ENO4: variants seen among roughly 807,000 people sequenced by gnomAD.
ENO4 encodes the protein enolase 4, also known as 2-phospho-D-glycerate hydro-lyase.
Under a neutral mutation model 63.2 loss-of-function variants are expected in ENO4, and 53 were observed. The observed-to-expected ratio is 0.84, with a 90% CI of 0.67 to 1.05. ENO4 has a LOEUF of 1.05. Among genes scored for constraint, ENO4 ranks in the 50% least tolerant of loss-of-function variants. The probability of loss-of-function intolerance (pLI) is 0.00; values close to 1 mark genes in which losing one functional copy is unlikely to be tolerated. For missense variants in ENO4, 719 were observed against 772.0 expected, an observed-to-expected ratio of 0.93 and a Z score of 0.81; for synonymous variants, 266 against 283.8, an observed-to-expected ratio of 0.94 and a Z score of 0.63.
chr10:116,868,871 T>G (rs548328784), intron 8 of ENO4, among the ~76,000 whole-genome samples, 165 bp downstream of exon 8: 24 of 152,158 alleles, frequency 1.6e-4, no homozygotes, highest in Non-Finnish European at 3.2e-4. Flanking sequence ...AGTATCATGC[T>G]GCCCCTGCCT....
At chr10:116,886,361 C>G, downstream of ENO4, 1 of 1,554,170 alleles carries the variant, frequency 6.4e-7, no homozygotes, top group Non-Finnish European at 8.7e-7. Context: ...TTGGAGCTGT[C>G]TGTCTCTCTC....
At chr10:116,898,059 G>GGCTCATCCCTGTAATCCCA (rs1847584079) in intron 10 of ENO4, among the ~76,000 whole-genome samples, 1 of 152,084 alleles carries the variant, frequency 6.6e-6, no homozygotes, top group African/African-American at 2.4e-5. Flanking sequence ...TGAGCGTGGT[G>GGCTCATCCCTGTAATCCCA]GCTCATCCCT....
chr10:116,863,986 G>A (rs1846487973), intron 7 of ENO4, among the ~76,000 whole-genome samples: 1 of 152,144 alleles, frequency 6.6e-6, no homozygotes, highest in Non-Finnish European at 1.5e-5. Context: ...TCTGCCTCGG[G>A]TTCCTCATCT....
At chr10:116,862,704 A>G in intron 6 of ENO4, 95 bp from the exon 7 acceptor site, 2 of 840,616 alleles carry the variant, frequency 2.4e-6, no homozygotes, top group Non-Finnish European at 3.9e-6. Context: ...GGACTCTACA[A>G]ATACTCTGAG....
chr10:116,870,280 T>C (rs1479192871), intron 8 of ENO4, among the ~76,000 whole-genome samples: 1 of 152,210 alleles, frequency 6.6e-6, no homozygotes, highest in Middle Eastern at 3.2e-3. Context: ...AGGCTGACTT[T>C]GCAGTAGCTG....
chr10:116,851,774 C>T (rs1267921665), intron 1 of ENO4, among the ~76,000 whole-genome samples: 13 of 152,100 alleles, frequency 8.5e-5, no homozygotes. Context: ...TCCTCTACAC[C>T]GAATCACTGA....
At chr10:116,850,095 A>C in intron 1 of ENO4, 7 of 380,964 alleles carry the variant, frequency 1.8e-5, no homozygotes, top group Admixed American at 4.0e-5. Flanking sequence ...ACATACCTTA[A>C]TGCCCTCAGC....
intron 10 of ENO4, chr10:116,906,808 T>A: frequency 7.5e-7 from 1 of 1,335,666 alleles, no homozygotes; most frequent in East Asian, 2.6e-5. Flanking sequence ...TACAAAAGAA[T>A]ATAAAAATCA....
intron 10 of ENO4, among the ~76,000 whole-genome samples, chr10:116,903,370 T>C (rs1847824850): frequency 6.6e-6 from 1 of 152,020 alleles, no homozygotes; most frequent in Admixed American, 6.5e-5. Context: ...CTGTCTCTAC[T>C]AGAAATCAGC....
chr10:116,879,238 C>T, intron 11 of ENO4, 53 bp from the exon 12 acceptor site: 1 of 1,311,092 alleles, frequency 7.6e-7, no homozygotes, highest in Non-Finnish European at 1.1e-6. Flanking sequence ...CAGAGGCCCA[C>T]ATGTATCCTA....
intron 4 of ENO4, 105 bp from the exon 5 acceptor site, chr10:116,860,689 T>A: frequency 1.2e-6 from 1 of 860,608 alleles, no homozygotes. Context: ...GTAGAGCATT[T>A]GTTGTTCCCA....
At chr10:116,888,612 T>C (rs1256965109) in intron 10 of ENO4, among the ~76,000 whole-genome samples, 3 of 152,162 alleles carry the variant, frequency 2.0e-5, no homozygotes, top group African/African-American at 7.2e-5. Context: ...AGCAGGAGCC[T>C]TCCCCAAGGA....
chr10:116,861,683 A>G (rs1379432110), intron 6 of ENO4, among the ~76,000 whole-genome samples: 1 of 152,172 alleles, frequency 6.6e-6, no homozygotes, highest in African/African-American at 2.4e-5. Context: ...ACTACTCCTC[A>G]GTAGCCTGAA....
chr10:116,866,214 ATT>A (rs1368754718), intron 7 of ENO4, among the ~76,000 whole-genome samples: 2 of 152,148 alleles, frequency 1.3e-5, no homozygotes, highest in Non-Finnish European at 2.9e-5. Context: ...CAGGGATCAC[ATT>A]TCTGTTGACT....
intron 10 of ENO4, among the ~76,000 whole-genome samples, chr10:116,906,241 C>G (rs947687168): frequency 6.6e-6 from 1 of 152,186 alleles, no homozygotes; most frequent in African/African-American, 2.4e-5. Context: ...CAAAGAGGTT[C>G]AGTAATTTGC....
chr10:116,886,072 CCTT>C, downstream of ENO4: 1 of 420,248 alleles, frequency 2.4e-6, no homozygotes, highest in Non-Finnish European at 4.2e-6. Flanking sequence ...TTTTTTGTAA[CCTT>C]CTAAAAGAAG....
chr10:116,878,017 T>C (rs1303539010), intron 11 of ENO4, among the ~76,000 whole-genome samples: 2 of 152,174 alleles, frequency 1.3e-5, no homozygotes, highest in African/African-American at 4.8e-5. Flanking sequence ...TAAAATGAAA[T>C]GTCTTCAGCC....
intron 13 of ENO4, 78 bp downstream of exon 13, chr10:116,880,064 C>A (rs988585596): frequency 8.7e-7 from 1 of 1,148,406 alleles, no homozygotes; most frequent in Admixed American, 2.2e-5. Context: ...GAATAGAAGT[C>A]CCTCTGCAGG....
chr10:116,870,004 C>T (rs1237751926), intron 8 of ENO4, among the ~76,000 whole-genome samples: 2 of 152,140 alleles, frequency 1.3e-5, no homozygotes, highest in Non-Finnish European at 2.9e-5. Flanking sequence ...ATAAGTGATG[C>T]TTTCATAGTT....
Sources: gnomAD v4.1 joint callset for allele counts (sites outside exome capture counted in the v4.1 genomes callset) on GRCh38, gnomAD v4.1.1 for gene constraint, MANE v1.5 for transcripts, NCBI Gene and HGNC (gene_info 2026-07-23, HGNC 2026-07-21) for gene names.